RNF121: variants seen among roughly 807,000 people sequenced by gnomAD.
The protein encoded by RNF121 is E3 ubiquitin ligase RNF121.
Under a neutral mutation model 46.5 loss-of-function variants are expected in RNF121, and 21 were observed. The observed-to-expected ratio is 0.45, with a 90% confidence interval of 0.32 to 0.65. RNF121 has a LOEUF of 0.65. Among genes scored for constraint, RNF121 ranks in the 30% least tolerant of loss-of-function variants. The pLI is 0.04. For missense variants in RNF121, 346 were observed against 416.0 expected, an observed-to-expected ratio of 0.83 and a Z score of 1.46; for synonymous variants, 139 against 144.7, an observed-to-expected ratio of 0.96 and a Z score of 0.28.
intron 1 of RNF121, among the ~76,000 whole-genome samples, chr11:71,946,393 A>AATTT (rs1374992030): frequency 6.6e-6 from 1 of 152,118 alleles, no homozygotes; most frequent in Non-Finnish European, 1.5e-5. Context: ...TCAATGAATG[A>AATTT]ATTTATTTAT....
intron 1 of RNF121, among the ~76,000 whole-genome samples, chr11:71,949,354 A>G (rs1318659898): frequency 1.3e-5 from 2 of 151,984 alleles, no homozygotes; most frequent in African/African-American, 4.8e-5. Context: ...GAAAGTCGAC[A>G]CTGCAGTGAT....
intron 1 of RNF121, among the ~76,000 whole-genome samples, chr11:71,950,912 A>G (rs1953861334): frequency 6.6e-6 from 1 of 152,182 alleles, no homozygotes; most frequent in Non-Finnish European, 1.5e-5. Flanking sequence ...TTGAATTATT[A>G]TAGCATTTTA....
chr11:71,975,874 T>G (rs557677022), intron 3 of RNF121, among the ~76,000 whole-genome samples: 1 of 152,288 alleles, frequency 6.6e-6, no homozygotes, highest in East Asian at 1.9e-4. Context: ...ATTTTTCAGG[T>G]CAGCATCAGG....
intron 1 of RNF121, among the ~76,000 whole-genome samples, chr11:71,955,809 C>T (rs1565147597): frequency 6.6e-6 from 1 of 152,226 alleles, no homozygotes; most frequent in Non-Finnish European, 1.5e-5. Flanking sequence ...AGGTACCTCC[C>T]ATGTGTCCCC....
At chr11:71,943,119 A>T (rs1953625580) in intron 1 of RNF121, among the ~76,000 whole-genome samples, 1 of 152,216 alleles carries the variant, frequency 6.6e-6, no homozygotes, top group South Asian at 2.1e-4. Flanking sequence ...GGGAACACAA[A>T]CATTCAGACC....
At chr11:71,978,278 C>A in intron 3 of RNF121, 1 of 378,674 alleles carries the variant, frequency 2.6e-6, no homozygotes, top group Non-Finnish European at 5.3e-6. Flanking sequence ...TCTGTTCACT[C>A]AGCTCCTCTG....
At chr11:71,978,771 C>T (rs1225240149) in intron 3 of RNF121, among the ~76,000 whole-genome samples, 1 of 152,216 alleles carries the variant, frequency 6.6e-6, no homozygotes, top group Non-Finnish European at 1.5e-5. Context: ...TTAACCCATA[C>T]AACCTTCTGA....
chr11:71,946,159 T>C (rs911911536), intron 1 of RNF121, among the ~76,000 whole-genome samples: 2 of 151,960 alleles, frequency 1.3e-5, no homozygotes, highest in African/African-American at 2.4e-5. Flanking sequence ...CAGAAACTTA[T>C]ACACAAATAT....
chr11:71,933,644 T>C (rs1237067058), intron 1 of RNF121, among the ~76,000 whole-genome samples: 1 of 152,214 alleles, frequency 6.6e-6, no homozygotes, highest in South Asian at 2.1e-4. Context: ...CCCCACTTCA[T>C]GTTCCCTCAG....
chr11:71,994,622 G>T, intron 6 of RNF121, 97 bp from the exon 7 acceptor site: 2 of 1,436,876 alleles, frequency 1.4e-6, no homozygotes, highest in Non-Finnish European at 1.9e-6. Flanking sequence ...CTGCCACTGT[G>T]CCTCTTCTCT....
intron 6 of RNF121, among the ~76,000 whole-genome samples, chr11:71,992,132 A>G (rs1954876327): frequency 6.6e-6 from 1 of 152,210 alleles, no homozygotes; most frequent in Non-Finnish European, 1.5e-5. Flanking sequence ...CAAAATGTAT[A>G]ATAATCATGC....
chr11:71,947,395 A>G (rs1308366803), intron 1 of RNF121, among the ~76,000 whole-genome samples: 2 of 151,912 alleles, frequency 1.3e-5, no homozygotes, highest in East Asian at 1.9e-4. Flanking sequence ...AGGCTGAGGC[A>G]GGAGGATCCC....
At chr11:71,992,168 C>A (rs1379261529) in intron 6 of RNF121, among the ~76,000 whole-genome samples, 1 of 152,190 alleles carries the variant, frequency 6.6e-6, no homozygotes, top group Non-Finnish European at 1.5e-5. Flanking sequence ...AATGATGGGG[C>A]ACAAAAGTGC....
chr11:71,962,859 TCTTA>T (rs1410713859), intron 3 of RNF121, among the ~76,000 whole-genome samples: 1 of 152,210 alleles, frequency 6.6e-6, no homozygotes, highest in African/African-American at 2.4e-5. Flanking sequence ...TATCAAGACT[TCTTA>T]CTTCTTTCAC....
intron 1 of RNF121, among the ~76,000 whole-genome samples, chr11:71,942,341 CAG>C (rs1192124939): frequency 1.3e-5 from 2 of 152,048 alleles, no homozygotes; most frequent in African/African-American, 4.8e-5. Flanking sequence ...GGAGGTGACT[CAG>C]TGAGAGGGTT....
intron 3 of RNF121, chr11:71,977,971 C>T: frequency 3.6e-6 from 1 of 276,084 alleles, no homozygotes; most frequent in East Asian, 1.4e-4. Flanking sequence ...TTCTGCATAA[C>T]TTTTAGCCAT....
chr11:71,956,827 T>C (rs1354076132), intron 1 of RNF121, among the ~76,000 whole-genome samples: 1 of 152,324 alleles, frequency 6.6e-6, no homozygotes, highest in East Asian at 1.9e-4. Context: ...CATAAAGCCT[T>C]CCCTAGTCTA....
At chr11:71,984,833 C>G (rs145657041) in intron 4 of RNF121, among the ~76,000 whole-genome samples, 1 of 147,836 alleles carries the variant, frequency 6.8e-6, no homozygotes, top group South Asian at 2.1e-4. Flanking sequence ...GTGATCTGCC[C>G]GCCTCGGGCT....
chr11:71,996,046 T>G, intron 8 of RNF121, 149 bp from the exon 9 acceptor site: 1 of 910,940 alleles, frequency 1.1e-6, no homozygotes, highest in Non-Finnish European at 1.6e-6. Flanking sequence ...GAGTAGGAAG[T>G]GAGGCTGGGC....
Sources: allele counts gnomAD v4.1 joint callset (sites outside exome capture counted in the v4.1 genomes callset), GRCh38; gene constraint gnomAD v4.1.1; transcripts MANE v1.5; gene names NCBI Gene and HGNC (gene_info 2026-07-23, HGNC 2026-07-21).